LBHD1: variants seen among roughly 807,000 people sequenced by gnomAD.
LBHD1 encodes LBH domain containing 1.
Under a neutral mutation model 31.1 loss-of-function variants are expected in LBHD1, and 28 were observed. The observed-to-expected ratio is 0.90, with a 90% CI of 0.67 to 1.24. The LOEUF is 1.24. LBHD1 is among the 50% of genes most tolerant of loss of function. The pLI, the probability that LBHD1 is intolerant of heterozygous loss-of-function variation, is 0.00. For synonymous variants in LBHD1, 105 were observed against 116.5 expected (o/e 0.90, Z 0.63); for missense variants, 350 against 323.0 (o/e 1.08, Z -0.64).
At chr11:62,665,197 C>T (rs1181013837) in intron 4 of LBHD1, 4 of 806,552 alleles carry the variant, frequency 5.0e-6, no homozygotes, top group Middle Eastern at 2.2e-4. Flanking sequence ...AGTTCACGGT[C>T]CGTACTTCCG....
rs756206154 is a variant in LBHD1, at chr11:62,671,915, G to C, written c.-362C>G. 20 of 1,613,090 alleles carry C rather than the reference G, an allele frequency of 1.2e-5. No homozygotes were observed. Among genetic ancestry groups the C allele is most frequent in the Non-Finnish European group, 1.6e-5 (19 of 1,179,390 alleles). ...GAAGGGTGGGCGGGTGGAGAGCCCCGGACTGGAGCTCCTGCGAACTCCCCT... is the reference window on the plus strand; with the variant it reads ...GAAGGGTGGGCGGGTGGAGAGCCCCCGACTGGAGCTCCTGCGAACTCCCCT... On this transcript the variant is annotated 5_prime_UTR_variant, in exon 1 of 7. Transcript: ENST00000354588.
chr11:62,669,967 G>A lies in LBHD1; in HGVS notation c.65C>T (p.Ser22Phe). 2 of 1,614,088 alleles carry A rather than the reference G, an allele frequency of 1.2e-6. No individual in the cohort carries two copies. Among genetic ancestry groups the A allele is most frequent in the Non-Finnish European group, 1.7e-6 (2 of 1,180,038 alleles). ...CAGCCTGGGACTTTCTGGATGCTGG[G>A]AGGAGCCTGGGCTATTTCTAGTCCA... ...GLWTRNSPGSSQHPESPRLPN... is the reference protein window; with the variant it reads ...GLWTRNSPGSFQHPESPRLPN... The change falls in exon 2 of 7, where the codon TCC (serine) becomes TTC (phenylalanine). Residue 22 changes from serine to phenylalanine, a missense_variant. Physicochemically the swap from Ser to Phe is radical, Grantham distance 155 (BLOSUM62 -2). Coordinates refer to ENST00000354588, the MANE Select transcript of LBHD1 (RefSeq NM_024099.5).
At chr11:62,667,158 T>C (rs1944842747) in intron 4 of LBHD1, 5 of 1,184,260 alleles carry the variant, frequency 4.2e-6, no homozygotes, top group Non-Finnish European at 6.0e-6. Flanking sequence ...AGTCCTGGCT[T>C]CCACATTTAC....
intron 4 of LBHD1, chr11:62,667,094 G>C (rs771034299): frequency 2.0e-6 from 3 of 1,521,662 alleles, no homozygotes; most frequent in Admixed American, 2.2e-5. Flanking sequence ...TGTGGGCAAG[G>C]AGAGGGCTGA....
Position 62,667,446 on chromosome 11 carries a change from GGAGATTGTA to G in LBHD1, c.538+68_538+76del, listed in dbSNP as rs747606081. The G allele has an allele frequency of 2.1e-6, 3 of 1,462,804 alleles. No individual in the cohort carries two copies. In the South Asian group the frequency reaches 3.4e-5, roughly 17 times the overall value. The allele number at this position is 1,462,804 out of a possible 1,614,324, so 90.6% of individuals were successfully genotyped here. A position where few individuals can be genotyped will look rare whatever the true frequency, so the allele number is the denominator to read the frequency against. ...AGCCTCATTTTTGTCACCTGTAAAAGGAGATTGTAAGAGGATGGGTATAAGGAGCTTCAT... is the reference window on the plus strand; with the variant it reads ...AGCCTCATTTTTGTCACCTGTAAAAGAGAGGATGGGTATAAGGAGCTTCAT... On this transcript the variant is annotated intron_variant, in intron 4 of 6. Coordinates refer to ENST00000354588, the MANE Select transcript of LBHD1 (RefSeq NM_024099.5).
At chr11:62,665,485 G>A (rs201071753) in intron 4 of LBHD1, 19 of 1,577,034 alleles carry the variant, frequency 1.2e-5, no homozygotes, top group East Asian at 2.3e-5. Flanking sequence ...GAGGAAGAGG[G>A]AAAGGGCTCT....
In LBHD1 at chr11:62,663,076, T is replaced by C; in HGVS notation, c.*53A>G. The C allele has an allele frequency of 6.2e-7, 1 of 1,608,710 alleles. No individual in the cohort carries two copies. The highest frequency in any genetic ancestry group is 8.5e-7 in the Non-Finnish European group (1 of 1,176,114). On this transcript the variant is annotated 3_prime_UTR_variant, in exon 7 of 7. Transcript: ENST00000354588. ...TAGCTCTCATCTTCAAGGTCCTTCA[T>C]TTCTACATCCTGGGGGGCTTTTGTC...
At chr11:62,671,443 G>A (rs1944940504) in intron 1 of LBHD1, 121 bp downstream of exon 1, 35 of 1,299,088 alleles carry the variant, frequency 2.7e-5, no homozygotes, top group Non-Finnish European at 3.2e-5. Flanking sequence ...AAAACCCACG[G>A]CAACCATGAA....
intron 5 of LBHD1, among the ~76,000 whole-genome samples, chr11:62,664,011 T>TGCA (rs1328629197): frequency 7.0e-6 from 1 of 143,762 alleles, no homozygotes; most frequent in Admixed American, 7.4e-5. Flanking sequence ...AGGCAGGGGT[T>TGCA]GCAGTGAGCC....
Position 62,669,457 on chromosome 11 carries a change from CA to C in LBHD1, c.313+183del. 3.0e-6 allele frequency: 3 copies of C among 984,400 alleles called. No homozygotes were observed. The South Asian group carries it at 1.4e-4, about 46-fold the overall frequency. 61.0% of individuals were successfully genotyped at this position (984,400 alleles called of 1,614,324 possible). A position where few individuals can be genotyped will look rare whatever the true frequency, so the allele number is the denominator to read the frequency against. On this transcript the variant is annotated intron_variant, in intron 3 of 6. Transcript: ENST00000354588. ...TAAAGGATGGCACCCATTCTGATAC[CA>C]AAACTGCTCTCTACAATTCATCAAC...
chr11:62,671,249 C>T (rs1232478203), intron 1 of LBHD1: 1 of 477,600 alleles, frequency 2.1e-6, no homozygotes, highest in African/African-American at 2.0e-5. Flanking sequence ...CCCATTTCTC[C>T]AACCAGTATA....
chr11:62,665,035 C>G (rs555922405), intron 4 of LBHD1, 62 bp from the exon 5 acceptor site: 1 of 1,596,482 alleles, frequency 6.3e-7, no homozygotes, highest in South Asian at 1.1e-5. Context: ...GGCCCCTCCA[C>G]CAGGCAGCCC....
chr11:62,665,859 C>T (rs774246334), intron 4 of LBHD1: 1 of 1,610,776 alleles, frequency 6.2e-7, no homozygotes, highest in Admixed American at 1.7e-5. Flanking sequence ...CTTCTCTGGT[C>T]GAACTTACCC....
In LBHD1 at chr11:62,667,704, T is replaced by C; in HGVS notation, c.357A>G (p.Thr119=). ...GCCCCCAGCTGAGTCCAGCGTTAAATGTTCTTAAAGGACTTCTAGGGTCCT... is the reference window on the plus strand; with the variant it reads ...GCCCCCAGCTGAGTCCAGCGTTAAACGTTCTTAAAGGACTTCTAGGGTCCT... ...SPQDPRSPLR[T]FNAGLSWGQD... The change falls in exon 4 of 7, where the codon ACA becomes ACG. Residue 119 remains threonine, a synonymous_variant. Transcript: ENST00000354588. 1 of 1,614,124 alleles carries C rather than the reference T, an allele frequency of 6.2e-7. No homozygotes were observed. Among genetic ancestry groups the C allele is most frequent in the Non-Finnish European group, 8.5e-7 (1 of 1,179,988 alleles).
In LBHD1 at chr11:62,668,269, C is replaced by G. The variant is rs139618154; in HGVS notation, c.314-522G>C. 1,059 of 154,528 alleles carry G rather than the reference C, an allele frequency of 6.9e-3. 5 individuals carry two copies. The highest frequency in any genetic ancestry group is 0.017 in the Middle Eastern group (5 of 294). 9.6% of individuals were successfully genotyped at this position (154,528 alleles called of 1,614,324 possible). A position where few individuals can be genotyped will look rare whatever the true frequency, so the allele number is the denominator to read the frequency against. ...CTGAGGCGGGCAGATTGCCTGAGCT[C>G]AGGAGTTTGAGACCAGCCTGGGCAA... On this transcript the variant is annotated intron_variant, in intron 3 of 6. Coordinates refer to ENST00000354588, the MANE Select transcript of LBHD1 (RefSeq NM_024099.5).
Position 62,667,494 on chromosome 11 carries a change from AT to A in LBHD1, c.538+28del. 3.7e-6 allele frequency: 6 copies of A among 1,603,832 alleles called. No individual in the cohort carries two copies. The Admixed American group carries it at 5.0e-5, about 13-fold the overall frequency. ...AAGGAGCTTCATAAACCTGGATGAGATATTTGAGGGGGAGGGAACAATACTT... is the reference window on the plus strand; with the variant it reads ...AAGGAGCTTCATAAACCTGGATGAGAATTTGAGGGGGAGGGAACAATACTT... On this transcript the variant is annotated intron_variant, in intron 4 of 6. Transcript: ENST00000354588.
At chr11:62,667,264 G>A (rs1036558810) in intron 4 of LBHD1, 4 of 638,178 alleles carry the variant, frequency 6.3e-6, no homozygotes, top group East Asian at 5.5e-5. Context: ...ATACAATGAT[G>A]TGCGCAATAT....
intron 4 of LBHD1, chr11:62,665,318 G>T: frequency 1.4e-6 from 1 of 727,156 alleles, no homozygotes; most frequent in Non-Finnish European, 2.3e-6. Flanking sequence ...AGGCCTTTCG[G>T]AGGGTGGTGA....
chr11:62,671,714 C>T lies in LBHD1; in HGVS notation c.-161G>A, dbSNP rs1239210851. On this transcript the variant is annotated 5_prime_UTR_variant, in exon 1 of 7. Transcript: ENST00000354588. Reference sequence around the variant, plus strand: ...AACAGCTTGCGGCTGCGGGGAGCTCCCGTGGGCGCTCCGCTGGCTGTGCAG... The same window carrying T: ...AACAGCTTGCGGCTGCGGGGAGCTCTCGTGGGCGCTCCGCTGGCTGTGCAG... 3.1e-6 allele frequency: 5 copies of T among 1,610,412 alleles called. No homozygotes were observed. The highest frequency in any genetic ancestry group is 3.4e-6 in the Non-Finnish European group (4 of 1,178,614).
Sources: gnomAD v4.1 joint callset for allele counts (sites outside exome capture counted in the v4.1 genomes callset) on GRCh38, gnomAD v4.1.1 for gene constraint, MANE v1.5 for transcripts, NCBI Gene and HGNC (gene_info 2026-07-23, HGNC 2026-07-21) for gene names.